DUSP7: variants seen among roughly 807,000 people sequenced by gnomAD.
DUSP7 encodes the protein dual specificity phosphatase 7.
DUSP7 carries 7 observed loss-of-function variants against 29.8 expected under a neutral mutation model. The ratio of observed to expected loss-of-function variants is 0.24; its 90% CI spans 0.13 to 0.44. The LOEUF (loss-of-function observed/expected upper bound fraction) is 0.44. Among genes scored for constraint, DUSP7 ranks in the 20% least tolerant of loss-of-function variants. The probability of loss-of-function intolerance (pLI) is 1.00; values close to 1 mark genes in which losing one functional copy is unlikely to be tolerated. For missense variants in DUSP7, 400 were observed against 583.7 expected, an observed-to-expected ratio of 0.69 and a Z score of 3.24; for synonymous variants, 287 against 275.4, an observed-to-expected ratio of 1.04 and a Z score of -0.42.
At position 52,049,766 on chromosome 3, in the gene DUSP7, G is replaced by A. The variant is rs910326625; in HGVS notation, c.*1049C>T. 1 of 152,180 alleles carries A rather than the reference G, an allele frequency of 6.6e-6. No homozygotes were observed. Among genetic ancestry groups the A allele is most frequent in the Non-Finnish European group, 1.5e-5 (1 of 68,050 alleles). The allele number at this position is 152,180 out of a possible 1,614,324, so 9.4% of individuals were successfully genotyped here. ...AGAGAGAGAGAGGGAGAGAGAGAAA[G>A]AGAGAGAGGGAGAGGAAGAGAGAGA... On this transcript the variant is annotated 3_prime_UTR_variant, in exon 3 of 3. Coordinates refer to ENST00000495880, the MANE Select transcript of DUSP7 (RefSeq NM_001947.4).
Position 52,054,481 on chromosome 3 carries a change from C to T in DUSP7, c.518-107G>A. Reference sequence around the variant, plus strand: ...CTCTGCACGCCAAACACCACAGCACCCACGGTCAGCATGGGCCATGCCAAG... The same window carrying T: ...CTCTGCACGCCAAACACCACAGCACTCACGGTCAGCATGGGCCATGCCAAG... On this transcript the variant is annotated intron_variant, in intron 1 of 2. Coordinates refer to ENST00000495880, the MANE Select transcript of DUSP7 (RefSeq NM_001947.4). This position sits in a 1 kb window ranked among gnomAD's most constrained non-coding sequence, Gnocchi z 4.1. The T allele has an allele frequency of 4.4e-6, 4 of 909,672 alleles. No individual in the cohort carries two copies. Among genetic ancestry groups the T allele is most frequent in the Non-Finnish European group, 6.5e-6 (4 of 613,394 alleles). The allele number at this position is 909,672 out of a possible 1,614,324, so 56.4% of individuals were successfully genotyped here.
rs916862941 is a variant in DUSP7 at position 52,048,949 on chromosome 3, T to C, written c.*1866A>G. On this transcript the variant is annotated 3_prime_UTR_variant, in exon 3 of 3. Coordinates refer to ENST00000495880, the MANE Select transcript of DUSP7 (RefSeq NM_001947.4). ...AAGAAAAAATAATATTTATTTGCAA[T>C]ATAAACAAAGTCCCGTTGTTGGTTC... 6.6e-6 allele frequency: 1 copy of C among 152,112 alleles called. No individual in the cohort carries two copies. Among genetic ancestry groups the C allele is most frequent in the African/African-American group, 2.4e-5 (1 of 41,422 alleles). 9.4% of individuals were successfully genotyped at this position (152,112 alleles called of 1,614,324 possible).
intron 1 of DUSP7, 23 bp downstream of exon 1, chr3:52,055,827 A>G (rs770745158): frequency 5.2e-5 from 78 of 1,507,656 alleles, no homozygotes; most frequent in African/African-American, 1.4e-5. Flanking sequence ...CGATCCCGTA[A>G]GGCGTCTCGG....
Position 52,053,615 on chromosome 3 carries a change from T to C in DUSP7, c.952+325A>G. The C allele has an allele frequency of 2.6e-6, 1 of 385,804 alleles. No homozygotes were observed. The highest frequency in any genetic ancestry group is 2.5e-5 in the South Asian group (1 of 39,660). The allele number at this position is 385,804 out of a possible 1,614,324, so 23.9% of individuals were successfully genotyped here. ...GCAAGTGAGACCCGTGGGAGGTCTG[T>C]GCGCTGTGATGTTTCAGCTTGCTAA... On this transcript the variant is annotated intron_variant, in intron 2 of 2. Transcript: ENST00000495880. The surrounding 1 kb of genome is among the most constrained non-coding windows in gnomAD (Gnocchi z 4.6).
Position 52,056,455 on chromosome 3 carries a change from C to A in DUSP7, c.-89G>T, listed in dbSNP as rs1701902232. On this transcript the variant is annotated 5_prime_UTR_variant, in exon 1 of 3. Coordinates refer to ENST00000495880, the MANE Select transcript of DUSP7 (RefSeq NM_001947.4). This position sits in a 1 kb window ranked among gnomAD's most constrained non-coding sequence, Gnocchi z 6.4. Reference sequence around the variant, plus strand: ...CGCGGGCCCCAGCCGCGTCTCCGGGCGCCCGCCTCCCGCCGAGCTGCGCGC... The same window carrying A: ...CGCGGGCCCCAGCCGCGTCTCCGGGAGCCCGCCTCCCGCCGAGCTGCGCGC... The A allele has an allele frequency of 4.3e-6, 3 of 692,646 alleles. No homozygotes were observed. The South Asian group carries it at 1.9e-4, about 43-fold the overall frequency. The allele number at this position is 692,646 out of a possible 1,614,324, so 42.9% of individuals were successfully genotyped here. A position where few individuals can be genotyped will look rare whatever the true frequency, so the allele number is the denominator to read the frequency against.
At position 52,051,248 on chromosome 3, in the gene DUSP7, G is replaced by C. The variant is rs1007095661; in HGVS notation, c.953-126C>G. 4.5e-6 allele frequency: 5 copies of C among 1,117,034 alleles called. No homozygotes were observed. The highest frequency in any genetic ancestry group is 5.0e-6 in the Non-Finnish European group (4 of 800,380). 69.2% of individuals were successfully genotyped at this position (1,117,034 alleles called of 1,614,324 possible). On this transcript the variant is annotated intron_variant, in intron 2 of 2. Coordinates refer to ENST00000495880, the MANE Select transcript of DUSP7 (RefSeq NM_001947.4). The surrounding 1 kb of genome is among the most constrained non-coding windows in gnomAD (Gnocchi z 4.8). ...GGCTGGTCTTGCCCGACCCCTGAGG[G>C]ACCTGGCCAAGCCCAGTGTGGGTAG...
Position 52,050,498 on chromosome 3 carries a change from G to A in DUSP7, c.*317C>T, listed in dbSNP as rs1263241292. The A allele has an allele frequency of 7.4e-6, 2 of 271,236 alleles. No homozygotes were observed. Among genetic ancestry groups the A allele is most frequent in the Non-Finnish European group, 1.4e-5 (2 of 144,098 alleles). The allele number at this position is 271,236 out of a possible 1,614,324, so 16.8% of individuals were successfully genotyped here. On this transcript the variant is annotated 3_prime_UTR_variant, in exon 3 of 3. Transcript: ENST00000495880. This position sits in a 1 kb window ranked among gnomAD's most constrained non-coding sequence, Gnocchi z 5.0. ...AAAGTAAACTCAGGTCCGTGGATGT[G>A]TCTTTAAAAAACAGCCAAACTGGCT...
In DUSP7 at chr3:52,053,271, G is replaced by A. The variant is rs1394872326; in HGVS notation, c.952+669C>T. 2.6e-5 allele frequency: 4 copies of A among 153,848 alleles called. No individual in the cohort carries two copies. The highest frequency in any genetic ancestry group is 5.8e-5 in the Non-Finnish European group (4 of 69,148). The allele number at this position is 153,848 out of a possible 1,614,324, so 9.5% of individuals were successfully genotyped here. ...GCCAAGGAGAAAGCAGTGGGGACCCGAGTCTGCTGAGGCTGGGGATACAGG... is the reference window on the plus strand; with the variant it reads ...GCCAAGGAGAAAGCAGTGGGGACCCAAGTCTGCTGAGGCTGGGGATACAGG... On this transcript the variant is annotated intron_variant, in intron 2 of 2. Transcript: ENST00000495880. This position sits in a 1 kb window ranked among gnomAD's most constrained non-coding sequence, Gnocchi z 4.6.
intron 1 of DUSP7, among the ~76,000 whole-genome samples, chr3:52,055,223 C>T (rs760530252): frequency 1.3e-5 from 2 of 151,816 alleles, no homozygotes; most frequent in African/African-American, 4.8e-5. Context: ...CTCAGCCACT[C>T]GCCCCCCGGT....
rs1211938140 is a variant in DUSP7 at position 52,056,453 on chromosome 3, G to GGCGCCCGCCTCCCGCCGAGCTGC, written c.-110_-88dup. 1.4e-6 allele frequency: 1 copy of GGCGCCCGCCTCCCGCCGAGCTGC among 714,516 alleles called. No individual in the cohort carries two copies. Among genetic ancestry groups the GGCGCCCGCCTCCCGCCGAGCTGC allele is most frequent in the African/African-American group, 1.9e-5 (1 of 51,482 alleles). The allele number at this position is 714,516 out of a possible 1,614,324, so 44.3% of individuals were successfully genotyped here. A position where few individuals can be genotyped will look rare whatever the true frequency, so the allele number is the denominator to read the frequency against. On this transcript the variant is annotated 5_prime_UTR_variant, in exon 1 of 3. Coordinates refer to ENST00000495880, the MANE Select transcript of DUSP7 (RefSeq NM_001947.4). The surrounding 1 kb of genome is among the most constrained non-coding windows in gnomAD (Gnocchi z 6.4). ...CGCGCGGGCCCCAGCCGCGTCTCCG[G>GGCGCCCGCCTCCCGCCGAGCTGC]GCGCCCGCCTCCCGCCGAGCTGCGC...
rs1313919627 is a variant in DUSP7 at position 52,056,085 on chromosome 3, C to T, written c.282G>A (p.Leu94=). The change falls in exon 1 of 3, where the codon CTG becomes CTA. Residue 94 remains leucine, a synonymous_variant. Transcript: ENST00000495880. The surrounding 1 kb of genome is among the most constrained non-coding windows in gnomAD (Gnocchi z 6.4). The part of the protein sequence containing the change: ...ESSHIETAIN[L]AIPGLMLRRL... The stretch of plus-strand genomic sequence containing the variant: ...GGCGCAACATGAGGCCCGGGATGGC[C>T]AGGTTGATGGCCGTCTCGATGTGCG... 3.7e-6 allele frequency: 6 copies of T among 1,608,152 alleles called. No homozygotes were observed. The highest frequency in any genetic ancestry group is 5.1e-6 in the Non-Finnish European group (6 of 1,178,274).
In DUSP7 at chr3:52,054,184, AG is replaced by A; in HGVS notation, c.707del (p.Pro236LeufsTer104). ...GGAAGGCTGGTTGGCTGGATGGCAC[AG>A]GGCTGCCGTCTGACTCGGTGGCACT... Reference protein sequence around the residue: ...PSSATESDGSPVPSSQPAFPV... With the variant: ...PSSATESDGSXVPSSQPAFPV... On this transcript the variant is annotated frameshift_variant, in exon 2 of 3. Transcript: ENST00000495880. LOFTEE classifies it high-confidence loss of function. The surrounding 1 kb of genome is among the most constrained non-coding windows in gnomAD (Gnocchi z 4.1). The A allele has an allele frequency of 6.2e-7, 1 of 1,613,422 alleles. No individual in the cohort carries two copies. Among genetic ancestry groups the A allele is most frequent in the Non-Finnish European group, 8.5e-7 (1 of 1,179,618 alleles).
In DUSP7 at chr3:52,056,262, C is replaced by G; in HGVS notation, c.105G>C (p.Ser35=). 7.6e-7 allele frequency: 1 copy of G among 1,321,542 alleles called. No homozygotes were observed. The highest frequency in any genetic ancestry group is 9.6e-7 in the Non-Finnish European group (1 of 1,041,718). 81.9% of individuals were successfully genotyped at this position (1,321,542 alleles called of 1,614,324 possible). ...TRAGSEPGAG[S]GSGAGTGAGA... ...CCGCCCCGGTGCCTGCGCCGGACCC[C>G]GACCCCGCACCGGGCTCGGACCCCG... The change falls in exon 1 of 3, where the codon TCG becomes TCC. Residue 35 remains serine, a synonymous_variant. Transcript: ENST00000495880. This position sits in a 1 kb window ranked among gnomAD's most constrained non-coding sequence, Gnocchi z 6.4.
In DUSP7 at chr3:52,054,429, G is replaced by A; in HGVS notation, c.518-55C>T. 1 of 1,451,780 alleles carries A rather than the reference G, an allele frequency of 6.9e-7. No individual in the cohort carries two copies. Among genetic ancestry groups the A allele is most frequent in the Non-Finnish European group, 9.3e-7 (1 of 1,079,774 alleles). The allele number at this position is 1,451,780 out of a possible 1,614,324, so 89.9% of individuals were successfully genotyped here. A position where few individuals can be genotyped will look rare whatever the true frequency, so the allele number is the denominator to read the frequency against. On this transcript the variant is annotated intron_variant, in intron 1 of 2. Transcript: ENST00000495880. The surrounding 1 kb of genome is among the most constrained non-coding windows in gnomAD (Gnocchi z 4.1). ...GAGAGGCTGGTGAGAGCCCAGATGG[G>A]CTGCACAAGACCAGAGATGGCCAGG...
At position 52,051,496 on chromosome 3, in the gene DUSP7, G is replaced by A. The variant is rs140658884; in HGVS notation, c.953-374C>T. 28 of 207,798 alleles carry A rather than the reference G, an allele frequency of 1.3e-4. No homozygotes were observed. The highest frequency in any genetic ancestry group is 5.5e-4 in the African/African-American group (24 of 43,766). 12.9% of individuals were successfully genotyped at this position (207,798 alleles called of 1,614,324 possible). ...TCCTACCACTGCCATGTGCGTTAAC[G>A]ACTGCTGTCACGGGTGTCACCTGCA... On this transcript the variant is annotated intron_variant, in intron 2 of 2. Coordinates refer to ENST00000495880, the MANE Select transcript of DUSP7 (RefSeq NM_001947.4). The surrounding 1 kb of genome is among the most constrained non-coding windows in gnomAD (Gnocchi z 4.8).
rs1446066311 is a variant in DUSP7, at chr3:52,049,118, T to A, written c.*1697A>T. The A allele has an allele frequency of 6.6e-6, 1 of 152,212 alleles. No homozygotes were observed. Among genetic ancestry groups the A allele is most frequent in the Non-Finnish European group, 1.5e-5 (1 of 68,048 alleles). The allele number at this position is 152,212 out of a possible 1,614,324, so 9.4% of individuals were successfully genotyped here. On this transcript the variant is annotated 3_prime_UTR_variant, in exon 3 of 3. Coordinates refer to ENST00000495880, the MANE Select transcript of DUSP7 (RefSeq NM_001947.4). ...GGTACATCTTTCTGGGTTTTCTTTTTAAAAATAAAAGAGAGAAAAAGAGAA... is the reference window on the plus strand; with the variant it reads ...GGTACATCTTTCTGGGTTTTCTTTTAAAAAATAAAAGAGAGAAAAAGAGAA...
chr3:52,053,868 C>G lies in DUSP7; in HGVS notation c.952+72G>C. ...ACAGGCCCAGAGGTACCCAGTCAGG[C>G]GGGGGCGCCACCCAGAGTCCTGCAT... On this transcript the variant is annotated intron_variant, in intron 2 of 2. Coordinates refer to ENST00000495880, the MANE Select transcript of DUSP7 (RefSeq NM_001947.4). The surrounding 1 kb of genome is among the most constrained non-coding windows in gnomAD (Gnocchi z 4.6). 1 of 1,557,632 alleles carries G rather than the reference C, an allele frequency of 6.4e-7. No homozygotes were observed. The highest frequency in any genetic ancestry group is 1.4e-5 in the African/African-American group (1 of 73,752).
chr3:52,052,525 C>T (rs1034571297), intron 2 of DUSP7: 3 of 152,368 alleles, frequency 2.0e-5, no homozygotes, highest in Non-Finnish European at 4.4e-5. Flanking sequence ...GGTGCTGGGA[C>T]CAGCCTCCAG....
chr3:52,053,952 T>C lies in DUSP7; in HGVS notation c.940A>G (p.Ile314Val). The C allele has an allele frequency of 6.2e-7, 1 of 1,614,100 alleles. No homozygotes were observed. Among genetic ancestry groups the C allele is most frequent in the Non-Finnish European group, 8.5e-7 (1 of 1,179,992 alleles). Residue 314 changes from isoleucine to valine, a missense_variant, in exon 2 of 3, where the codon ATC becomes GTC. Transcript: ENST00000495880. The surrounding 1 kb of genome is among the most constrained non-coding windows in gnomAD (Gnocchi z 4.6). The part of the protein sequence containing the change: ...QNLSQFFPEA[I>V]SFIDEARSKK... ...ACACAGCACCTACCAATGAAGCTGA[T>C]GGCCTCAGGGAAGAACTGGGAGAGG...
Sources: gnomAD v4.1 joint callset for allele counts (sites outside exome capture counted in the v4.1 genomes callset) on GRCh38, gnomAD v4.1.1 for gene constraint, Gnocchi (gnomAD v3.1) non-coding constraint, MANE v1.5 for transcripts, NCBI Gene and HGNC (gene_info 2026-07-23, HGNC 2026-07-21) for gene names.